Variants in NIBAN2 observed in about 807,000 individuals in gnomAD.
NIBAN2 encodes niban apoptosis regulator 2.
A neutral mutation model predicts 81.8 loss-of-function variants in NIBAN2; 36 were observed. The observed-to-expected ratio is 0.44, with a 90% confidence interval of 0.34 to 0.58. The LOEUF is 0.58. Ranked by LOEUF, NIBAN2 falls within the 20% of genes least tolerant of loss-of-function variation. The pLI, the probability that NIBAN2 is intolerant of heterozygous loss-of-function variation, is 0.02. For synonymous variants in NIBAN2, 445 were observed against 441.6 expected (o/e 1.01, Z -0.10); for missense variants, 897 against 1,014.1 (o/e 0.88, Z 1.57).
intron 1 of NIBAN2, among the ~76,000 whole-genome samples, chr9:127,540,792 T>TCAA (rs1837363911): frequency 6.6e-6 from 1 of 152,240 alleles, no homozygotes. Context: ...AGCCCTGGTT[T>TCAA]GGCCCCAGTG....
In NIBAN2 at chr9:127,507,301, G is replaced by A. The variant is rs576793053; in HGVS notation, c.1785C>T (p.Asn595=). Residue 595 remains asparagine (N), a synonymous_variant, in exon 14 of 14, where the codon AAC becomes AAT. Transcript: ENST00000373312. The surrounding 1 kb of genome is among the most constrained non-coding windows in gnomAD (Gnocchi z 6.8). Reference sequence around the variant, plus strand: ...GGCTGGGGCTGCCGCCCCCGCCGCTGTTGCTGTACTCCTCGCCCCAGTCGA... The same window carrying A: ...GGCTGGGGCTGCCGCCCCCGCCGCTATTGCTGTACTCCTCGCCCCAGTCGA... ...APIDWGEEYS[N]SGGGGSPSPS... 3.1e-6 allele frequency: 5 copies of A among 1,593,258 alleles called. No individual in the cohort carries two copies. Among genetic ancestry groups the A allele is most frequent in the East Asian group, 4.5e-5 (2 of 44,420 alleles).
At chr9:127,509,268 A>G in intron 9 of NIBAN2, 137 bp from the exon 10 acceptor site, 1 of 799,976 alleles carries the variant, frequency 1.3e-6, no homozygotes, top group Admixed American at 2.9e-5. Flanking sequence ...CCTGGTGCTC[A>G]TGGCCACAAA....
chr9:127,526,680 G>C (rs993105662), intron 3 of NIBAN2, among the ~76,000 whole-genome samples: 1 of 152,204 alleles, frequency 6.6e-6, no homozygotes, highest in African/African-American at 2.4e-5. Flanking sequence ...AACCAGGTGG[G>C]GCTTCCCTGA....
At chr9:127,524,982 C>A in intron 4 of NIBAN2, 76 bp downstream of exon 4, 1 of 1,154,204 alleles carries the variant, frequency 8.7e-7, no homozygotes, top group South Asian at 1.3e-5. Flanking sequence ...AAGCAATGGG[C>A]TCAGGGCCAC....
chr9:127,576,445 G>A (rs767940083), intron 1 of NIBAN2, among the ~76,000 whole-genome samples: 1 of 152,088 alleles, frequency 6.6e-6, no homozygotes, highest in Non-Finnish European at 1.5e-5. Context: ...CAGCAGACAG[G>A]CAGGGAGTGA....
rs1434129542 is a variant in NIBAN2, at chr9:127,545,299, A to G, written c.56-13521T>C. On this transcript the variant is annotated intron_variant, in intron 1 of 13. Coordinates refer to ENST00000373312, the MANE Select transcript of NIBAN2 (RefSeq NM_022833.4). This position sits in a 1 kb window ranked among gnomAD's most constrained non-coding sequence, Gnocchi z 4.7. ...CAGCCTCCCTGGCCTCCACTCCCAC[A>G]GCCCCTGGCCTGCTCCCCGGCACTC... Among the ~76,000 whole-genome samples, 1 of 145,904 alleles carries G rather than the reference A, an allele frequency of 6.9e-6. No homozygotes were observed. The highest frequency in any genetic ancestry group is 1.9e-4 in the East Asian group (1 of 5,196).
upstream of NIBAN2, among the ~76,000 whole-genome samples, chr9:127,573,817 C>G (rs1837976852): frequency 6.6e-6 from 1 of 152,122 alleles, no homozygotes; most frequent in South Asian, 2.1e-4. Flanking sequence ...GCCACCACGC[C>G]TGGCTAATTT....
At position 127,536,697 on chromosome 9, in the gene NIBAN2, G is replaced by A. The variant is rs1474376542; in HGVS notation, c.56-4919C>T. ...CACTCAGGCTTACCACCCTGTTAGGGGAATGTGAGCCAGAGAGGGTGAGCA... is the reference window on the plus strand; with the variant it reads ...CACTCAGGCTTACCACCCTGTTAGGAGAATGTGAGCCAGAGAGGGTGAGCA... On this transcript the variant is annotated intron_variant, in intron 1 of 13. Transcript: ENST00000373312. The surrounding 1 kb of genome is among the most constrained non-coding windows in gnomAD (Gnocchi z 4.0). Among the ~76,000 whole-genome samples the A allele has an allele frequency of 2.6e-5, 4 of 152,368 alleles. No homozygotes were observed. Among genetic ancestry groups the A allele is most frequent in the Admixed American group, 2.0e-4 (3 of 15,304 alleles).
Position 127,517,747 on chromosome 9 carries a change from C to G in NIBAN2, c.705+79G>C. 1 of 1,082,164 alleles carries G rather than the reference C, an allele frequency of 9.2e-7. No homozygotes were observed. Among genetic ancestry groups the G allele is most frequent in the Admixed American group, 2.0e-5 (1 of 50,640 alleles). 67.0% of individuals were successfully genotyped at this position (1,082,164 alleles called of 1,614,324 possible). A position where few individuals can be genotyped will look rare whatever the true frequency, so the allele number is the denominator to read the frequency against. On this transcript the variant is annotated intron_variant, in intron 6 of 13. Coordinates refer to ENST00000373312, the MANE Select transcript of NIBAN2 (RefSeq NM_022833.4). The surrounding 1 kb of genome is among the most constrained non-coding windows in gnomAD (Gnocchi z 4.0). ...CCGGCAGCGCCCCAGAGCCCCATCT[C>G]TGTACCCCACCCCCTGCCCTCCCCT... is the stretch of plus-strand genomic sequence containing the variant.
rs576435438 is a variant in NIBAN2, at chr9:127,563,526, ATT to A, written c.55+5292_55+5293del. 1.4e-5 allele frequency among the ~76,000 whole-genome samples: 2 copies of A among 146,474 alleles called. No individual in the cohort carries two copies. Among genetic ancestry groups the A allele is most frequent in the Admixed American group, 6.8e-5 (1 of 14,730 alleles). The stretch of plus-strand genomic sequence containing the variant: ...CCACTTCCCAAATGTTGAGAGGTAG[ATT>A]TTTTTTTTTTTTGAGACAGAGTCTC... On this transcript the variant is annotated intron_variant, in intron 1 of 13. Coordinates refer to ENST00000373312, the MANE Select transcript of NIBAN2 (RefSeq NM_022833.4). This position sits in a 1 kb window ranked among gnomAD's most constrained non-coding sequence, Gnocchi z 4.1.
intron 1 of NIBAN2, among the ~76,000 whole-genome samples, chr9:127,554,548 C>CTT (rs1230242603): frequency 9.6e-5 from 10 of 103,690 alleles, no homozygotes; most frequent in Non-Finnish European, 1.3e-4. Context: ...TTTTCTTTTT[C>CTT]TTTTTTTTTT....
At chr9:127,568,557 C>T (rs1224112569) in intron 1 of NIBAN2, among the ~76,000 whole-genome samples, 1 of 152,158 alleles carries the variant, frequency 6.6e-6, no homozygotes, top group Non-Finnish European at 1.5e-5. Flanking sequence ...TCCGCCAAGC[C>T]CGGGCTCCGA....
chr9:127,576,027 G>T (rs771918276), intron 1 of NIBAN2, among the ~76,000 whole-genome samples: 1 of 152,126 alleles, frequency 6.6e-6, no homozygotes, highest in Non-Finnish European at 1.5e-5. Flanking sequence ...ACATGATTTT[G>T]TGTGTGTGCA....
chr9:127,562,329 G>A (rs1482747588), intron 1 of NIBAN2, among the ~76,000 whole-genome samples: 12 of 152,114 alleles, frequency 7.9e-5, no homozygotes, highest in African/African-American at 2.4e-4. Context: ...TGGACTATCC[G>A]ATCCAGGCCT....
At position 127,506,970 on chromosome 9, in the gene NIBAN2, C is replaced by A. The variant is rs138757858; in HGVS notation, c.2116G>T (p.Ala706Ser). The A allele has an allele frequency of 1.2e-4, 200 of 1,603,112 alleles. No homozygotes were observed. The highest frequency in any genetic ancestry group is 2.7e-4 in the Admixed American group (16 of 58,964). Reference protein sequence around the residue: ...SPLQHLLPGKAVDLGPPKPSD... With the variant: ...SPLQHLLPGKSVDLGPPKPSD... ...GGCTTGGGGGGCCCAAGGTCCACAG[C>A]CTTTCCAGGCAGGAGATGCTGGAGG... is the stretch of plus-strand genomic sequence containing the variant. Residue 706 changes from alanine (A) to serine (S), a missense_variant, in exon 14 of 14, where the codon GCT becomes TCT. Transcript: ENST00000373312.
chr9:127,547,911 A>G (rs901519666), intron 1 of NIBAN2, among the ~76,000 whole-genome samples: 4 of 152,230 alleles, frequency 2.6e-5, no homozygotes, highest in Admixed American at 2.0e-4. Context: ...ATAAGGATTC[A>G]ATGAAATGAA....
At chr9:127,512,393 C>A (rs1463862586) in intron 8 of NIBAN2, among the ~76,000 whole-genome samples, 1 of 150,730 alleles carries the variant, frequency 6.6e-6, no homozygotes, top group Non-Finnish European at 1.5e-5. Context: ...TCAAGCAATT[C>A]TCATGCCTCA....
chr9:127,574,428 T>C (rs910308715), intron 1 of NIBAN2, among the ~76,000 whole-genome samples: 8 of 151,894 alleles, frequency 5.3e-5, no homozygotes, highest in South Asian at 4.2e-4. Context: ...AGAATAATAA[T>C]ATTTGGCTTT....
chr9:127,509,599 A>G (rs887545415), intron 9 of NIBAN2, among the ~76,000 whole-genome samples: 1 of 152,162 alleles, frequency 6.6e-6, no homozygotes, highest in Non-Finnish European at 1.5e-5. Context: ...TCTGACAACT[A>G]TGCGGGCTCC....
Sources: allele counts gnomAD v4.1 joint callset (sites outside exome capture counted in the v4.1 genomes callset), GRCh38; gene constraint gnomAD v4.1.1; non-coding constraint Gnocchi (gnomAD v3.1); transcripts MANE v1.5; gene names NCBI Gene and HGNC (gene_info 2026-07-23, HGNC 2026-07-21).